The following DOK6 variants were observed in gnomAD, a reference collection of about 807,000 sequenced individuals.
DOK6 encodes the protein docking protein 6.
DOK6 carries 22 observed loss-of-function variants against 44.0 expected under a neutral mutation model. That is an observed-to-expected ratio of 0.50 (90% CI 0.36 to 0.71). The LOEUF is 0.71. Ranked by LOEUF, DOK6 falls within the 30% of genes least tolerant of loss-of-function variation. The pLI is 0.00. For synonymous variants in DOK6, 166 were observed against 145.5 expected (o/e 1.14, Z -1.01); for missense variants, 340 against 416.4 (o/e 0.82, Z 1.60).
chr18:69,642,789 GAT>G (rs1262910276), intron 3 of DOK6, among the ~76,000 whole-genome samples: 2 of 152,174 alleles, frequency 1.3e-5, no homozygotes, highest in African/African-American at 4.8e-5. Context: ...TATGGGCAAT[GAT>G]AGTTTTAGCT....
intron 1 of DOK6, among the ~76,000 whole-genome samples, chr18:69,437,323 T>A (rs931485803): frequency 4.6e-5 from 7 of 152,218 alleles, no homozygotes; most frequent in African/African-American, 1.7e-4. Flanking sequence ...CATTTTGAGT[T>A]AATTTTTGTA....
intron 7 of DOK6, among the ~76,000 whole-genome samples, chr18:69,822,453 T>C (rs1981601827): frequency 7.1e-6 from 1 of 141,164 alleles, no homozygotes; most frequent in South Asian, 2.2e-4. Flanking sequence ...TCCCAAAAGA[T>C]GATGTAAAAA....
At chr18:69,610,000 G>C (rs2144629832) in intron 3 of DOK6, among the ~76,000 whole-genome samples, 1 of 152,274 alleles carries the variant, frequency 6.6e-6, no homozygotes, top group South Asian at 2.1e-4. Flanking sequence ...GAATGAAATA[G>C]TAGTTACCAG....
intron 5 of DOK6, among the ~76,000 whole-genome samples, chr18:69,730,840 C>T (rs1236009440): frequency 1.3e-5 from 2 of 152,104 alleles, no homozygotes; most frequent in East Asian, 3.9e-4. Context: ...GATGTGATGG[C>T]TAACACCTGT....
At chr18:69,503,053 T>C (rs1338865143) in intron 1 of DOK6, among the ~76,000 whole-genome samples, 3 of 152,230 alleles carry the variant, frequency 2.0e-5, no homozygotes, top group Non-Finnish European at 4.4e-5. Flanking sequence ...GAACCTTTCA[T>C]GCAAACTACA....
intron 2 of DOK6, among the ~76,000 whole-genome samples, chr18:69,567,688 G>A (rs1983017015): frequency 6.6e-6 from 1 of 152,148 alleles, no homozygotes; most frequent in Non-Finnish European, 1.5e-5. Context: ...TCCTCTGACA[G>A]TATAATTCTC....
At chr18:69,811,359 T>C (rs1286184035) in intron 7 of DOK6, among the ~76,000 whole-genome samples, 1 of 151,558 alleles carries the variant, frequency 6.6e-6, no homozygotes, top group African/African-American at 2.4e-5. Flanking sequence ...TTCAGTTACA[T>C]AGGAGGAACA....
At chr18:69,755,376 C>T (rs1013920125) in intron 6 of DOK6, among the ~76,000 whole-genome samples, 5 of 152,010 alleles carry the variant, frequency 3.3e-5, no homozygotes, top group African/African-American at 1.2e-4. Flanking sequence ...ATTAATTTAC[C>T]ATCAATGATC....
At chr18:69,519,506 A>G (rs1981629254) in intron 1 of DOK6, among the ~76,000 whole-genome samples, 1 of 152,020 alleles carries the variant, frequency 6.6e-6, no homozygotes, top group Non-Finnish European at 1.5e-5. Flanking sequence ...ATACAGAATC[A>G]TAAAACATTG....
chr18:69,594,844 GAAAAA>G, intron 2 of DOK6, among the ~76,000 whole-genome samples: 1 of 151,254 alleles, frequency 6.6e-6, no homozygotes, highest in Non-Finnish European at 1.5e-5. Flanking sequence ...AAAAAGAAAA[GAAAAA>G]AGAAAAAGGA....
At chr18:69,596,511 GGAACCCCAA>G (rs1332984498) in intron 2 of DOK6, among the ~76,000 whole-genome samples, 1 of 152,044 alleles carries the variant, frequency 6.6e-6, no homozygotes, top group Non-Finnish European at 1.5e-5. Context: ...CACTTACAAA[GGAACCCCAA>G]TAAGATTAAC....
intron 7 of DOK6, among the ~76,000 whole-genome samples, chr18:69,817,959 A>G (rs762640203): frequency 2.0e-5 from 3 of 152,206 alleles, no homozygotes; most frequent in Non-Finnish European, 2.9e-5. Flanking sequence ...CTTGCCAAAA[A>G]TCAAAATTCT....
At chr18:69,460,569 C>A (rs1283477795) in intron 1 of DOK6, among the ~76,000 whole-genome samples, 2 of 152,022 alleles carry the variant, frequency 1.3e-5, no homozygotes, top group African/African-American at 4.8e-5. Flanking sequence ...TATAACATCC[C>A]AAAATAGTAA....
At chr18:69,777,732 G>A (rs1980118570) in intron 7 of DOK6, among the ~76,000 whole-genome samples, 1 of 144,368 alleles carries the variant, frequency 6.9e-6, no homozygotes. Context: ...GGTCTAGACA[G>A]GACTGTCCCC....
chr18:69,708,975 C>T lies in DOK6; in HGVS notation c.599+10382C>T, dbSNP rs534918803. ...TCTTTCACGAAAAATGCTAAAACACCAGAGCATGATTTTGTAGCTTGAGCT... is the reference window on the plus strand; with the variant it reads ...TCTTTCACGAAAAATGCTAAAACACTAGAGCATGATTTTGTAGCTTGAGCT... On this transcript the variant is annotated intron_variant, in intron 5 of 7. Transcript: ENST00000382713. Among the ~76,000 whole-genome samples the T allele has an allele frequency of 2.0e-5, 3 of 152,116 alleles. No individual in the cohort carries two copies. In the South Asian group the frequency reaches 6.2e-4, roughly 32 times the overall value.
chr18:69,723,023 A>C (rs2144725078), intron 5 of DOK6, among the ~76,000 whole-genome samples: 1 of 152,366 alleles, frequency 6.6e-6, no homozygotes, highest in South Asian at 2.1e-4. Context: ...GCAAAATCAG[A>C]AACTAAGTCT....
At chr18:69,482,448 G>A (rs1263189493) in intron 1 of DOK6, among the ~76,000 whole-genome samples, 3 of 150,978 alleles carry the variant, frequency 2.0e-5, no homozygotes, top group South Asian at 2.1e-4. Flanking sequence ...TTTTCTTACA[G>A]CATATTTTGG....
At chr18:69,795,263 C>T (rs1980710835) in intron 7 of DOK6, among the ~76,000 whole-genome samples, 1 of 152,040 alleles carries the variant, frequency 6.6e-6, no homozygotes, top group African/African-American at 2.4e-5. Context: ...CATCTCTGAG[C>T]TGTACAGTTC....
At chr18:69,496,884 G>A (rs1298908192) in intron 1 of DOK6, among the ~76,000 whole-genome samples, 2 of 152,098 alleles carry the variant, frequency 1.3e-5, no homozygotes, top group Non-Finnish European at 2.9e-5. Flanking sequence ...AAAATTTGTT[G>A]GATGCAATAT....
Sources: allele counts gnomAD v4.1 joint callset (sites outside exome capture counted in the v4.1 genomes callset), GRCh38; gene constraint gnomAD v4.1.1; transcripts MANE v1.5; gene names NCBI Gene and HGNC (gene_info 2026-07-23, HGNC 2026-07-21).